RNF130: variants seen among roughly 807,000 people sequenced by gnomAD.
The protein encoded by RNF130 is E3 ubiquitin-protein ligase RNF130.
RNF130 carries 21 observed loss-of-function variants against 44.6 expected under a neutral mutation model. The ratio of observed to expected loss-of-function variants is 0.47; its 90% CI spans 0.33 to 0.68. The LOEUF (loss-of-function observed/expected upper bound fraction) is 0.68. RNF130 is among the 30% of genes least tolerant of loss of function. RNF130 has a pLI of 0.02. For missense variants in RNF130, 479 were observed against 560.6 expected, an observed-to-expected ratio of 0.85 and a Z score of 1.47; for synonymous variants, 214 against 210.4, an observed-to-expected ratio of 1.02 and a Z score of -0.15.
chr5:179,997,905 G>C (rs935970488), intron 3 of RNF130, among the ~76,000 whole-genome samples: 67 of 148,592 alleles, frequency 4.5e-4, no homozygotes, highest in African/African-American at 1.6e-3. Context: ...ACAGTGGTGT[G>C]ATCTCGGCTC....
intron 8 of RNF130, among the ~76,000 whole-genome samples, chr5:179,959,613 C>T (rs1301408015): frequency 6.7e-6 from 1 of 149,102 alleles, no homozygotes; most frequent in Non-Finnish European, 1.5e-5. Flanking sequence ...GGTAACAGAG[C>T]GAGACTCCGT....
chr5:179,955,722 T>G, intron 8 of RNF130, 53 bp from the exon 9 acceptor site: 2 of 1,447,796 alleles, frequency 1.4e-6, no homozygotes, highest in African/African-American at 2.8e-5. Context: ...GTCAAATGTT[T>G]AAAATAACAG....
intron 1 of RNF130, among the ~76,000 whole-genome samples, chr5:180,066,925 T>G (rs969936411): frequency 9.9e-5 from 15 of 152,194 alleles, no homozygotes; most frequent in African/African-American, 3.6e-4. Flanking sequence ...CTGGGGAGAC[T>G]GAGGCAGGAG....
At chr5:179,926,587 G>A (rs569275283) in intron 7 of RNF130, among the ~76,000 whole-genome samples, 1 of 152,270 alleles carries the variant, frequency 6.6e-6, no homozygotes, top group African/African-American at 2.4e-5. Flanking sequence ...GGTGGAGGTG[G>A]CAGTGAGCCG....
intron 7 of RNF130, chr5:179,963,848 A>G (rs551714527): frequency 4.1e-5 from 16 of 388,114 alleles, no homozygotes; most frequent in South Asian, 3.1e-4. Flanking sequence ...GTGTGCGGTG[A>G]AAATATGTAT....
At position 180,040,597 on chromosome 5, in the gene RNF130, T is replaced by C. The variant is rs1338048397; in HGVS notation, c.298A>G (p.Asn100Asp). 2 of 1,614,162 alleles carry C rather than the reference T, an allele frequency of 1.2e-6. No homozygotes were observed. The highest frequency in any genetic ancestry group is 2.2e-5 in the South Asian group (2 of 91,080). The change falls in exon 2 of 9, where the codon AAT (asparagine) becomes GAT (aspartate). Residue 100 changes from asparagine to aspartate, a missense_variant. Coordinates refer to ENST00000521389, the MANE Select transcript of RNF130 (RefSeq NM_018434.6). Reference protein sequence around the residue: ...DPQTRFFVPPNIKQWIALLQR... With the variant: ...DPQTRFFVPPDIKQWIALLQR... ...AGCAAGGCAATCCACTGTTTGATAT[T>C]AGGAGGGACAAAGAACCGGGTTTGT...
chr5:179,975,956 C>T (rs1393128487), intron 5 of RNF130, among the ~76,000 whole-genome samples: 1 of 151,376 alleles, frequency 6.6e-6, no homozygotes, highest in African/African-American at 2.4e-5. Context: ...ATATGCCCGG[C>T]CTCCACCCGG....
At chr5:179,946,719 A>C (rs558615040) in intron 7 of RNF130, among the ~76,000 whole-genome samples, 3 of 152,008 alleles carry the variant, frequency 2.0e-5, no homozygotes, top group Admixed American at 1.3e-4. Context: ...ACGCCCGGCT[A>C]ATTTTTTTGT....
intron 1 of RNF130, among the ~76,000 whole-genome samples, chr5:180,069,712 G>C (rs1222152577): frequency 1.3e-5 from 2 of 152,208 alleles, no homozygotes; most frequent in South Asian, 4.1e-4. Flanking sequence ...AAATGGCAGA[G>C]TTACTTTTAC....
chr5:179,966,893 C>G lies in RNF130; in HGVS notation c.1063G>C (p.Glu355Gln). The G allele has an allele frequency of 6.2e-6, 10 of 1,614,240 alleles. No homozygotes were observed. The highest frequency in any genetic ancestry group is 8.5e-6 in the Non-Finnish European group (10 of 1,180,050). Residue 355 changes from glutamate (E) to glutamine (Q), a missense_variant, in exon 7 of 9, where the codon GAG becomes CAG. Glu to Gln is a conservative substitution (Grantham distance 29). Around this residue, in one of 3 missense-constraint regions of RNF130, gnomAD observed 161 missense variants for 158.6 expected, o/e 1.02. Coordinates refer to ENST00000521389, the MANE Select transcript of RNF130 (RefSeq NM_018434.6). The part of the protein sequence containing the change: ...DLAGDNSLGL[E>Q]PLRTSGISPL... ...GAGATCCCCGAAGTTCGAAGTGGCT[C>G]AAGGCCAAGGGAGTTGTCGCCGGCG... is the stretch of plus-strand genomic sequence containing the variant.
chr5:180,017,928 C>T (rs1460223421), intron 2 of RNF130, among the ~76,000 whole-genome samples: 1 of 152,200 alleles, frequency 6.6e-6, no homozygotes, highest in East Asian at 1.9e-4. Context: ...TCAGTAACTG[C>T]TGCAGCGTAA....
exon 8 of RNF130, chr5:179,919,466 C>G (rs7717213): frequency 6.6e-6 from 1 of 152,470 alleles, no homozygotes; most frequent in Non-Finnish European, 1.5e-5. Context: ...TCTTTCACAA[C>G]TGCTGGCCAT....
chr5:179,969,207 G>C (rs949018052), intron 6 of RNF130, among the ~76,000 whole-genome samples: 1 of 152,042 alleles, frequency 6.6e-6, no homozygotes, highest in African/African-American at 2.4e-5. Context: ...TCTTAAGCAA[G>C]GGCTAACGAA....
At chr5:180,032,660 T>A (rs1275367504) in intron 2 of RNF130, among the ~76,000 whole-genome samples, 3 of 152,208 alleles carry the variant, frequency 2.0e-5, no homozygotes, top group African/African-American at 7.2e-5. Flanking sequence ...GATATTTATT[T>A]CTAGATTCTC....
downstream of RNF130, among the ~76,000 whole-genome samples, chr5:179,954,108 G>A (rs1762166644): frequency 9.9e-5 from 15 of 152,174 alleles, 1 homozygote; most frequent in Admixed American, 9.8e-4. Flanking sequence ...GTGTTATGGA[G>A]GTTGTGAAGA....
At chr5:180,013,547 G>C (rs975864852) in intron 2 of RNF130, among the ~76,000 whole-genome samples, 3 of 152,178 alleles carry the variant, frequency 2.0e-5, no homozygotes, top group Non-Finnish European at 4.4e-5. Context: ...AACGACTGCA[G>C]TGTTAAGAAC....
chr5:179,929,747 C>A (rs374813406), intron 7 of RNF130, among the ~76,000 whole-genome samples: 2 of 147,864 alleles, frequency 1.4e-5, no homozygotes, highest in Non-Finnish European at 3.0e-5. Context: ...GACTGTGTCT[C>A]AAAAAAAAAA....
At chr5:180,035,534 T>C (rs1764229555) in intron 2 of RNF130, among the ~76,000 whole-genome samples, 2 of 152,236 alleles carry the variant, frequency 1.3e-5, no homozygotes, top group South Asian at 4.1e-4. Context: ...ATAGTGTTGG[T>C]CAAGGTTTCT....
At chr5:179,980,099 T>C (rs746590662) in intron 4 of RNF130, 30 bp downstream of exon 4, 30 of 1,600,566 alleles carry the variant, frequency 1.9e-5, no homozygotes, top group Middle Eastern at 1.6e-4. Context: ...GGATTACTTT[T>C]ACGGTGCTGA....
Sources: allele counts gnomAD v4.1 joint callset (sites outside exome capture counted in the v4.1 genomes callset), GRCh38; gene constraint gnomAD v4.1.1; regional missense constraint gnomAD v4.1.1; transcripts MANE v1.5; gene names NCBI Gene and HGNC (gene_info 2026-07-23, HGNC 2026-07-21).